Variants in DNAJC11 observed in about 807,000 individuals in gnomAD.
The protein encoded by DNAJC11 is dnaJ homolog subfamily C member 11.
In DNAJC11, 15 loss-of-function variants were observed where a neutral mutation model predicts 78.6. The observed-to-expected ratio is 0.19, with a 90% CI of 0.13 to 0.29. The LOEUF (loss-of-function observed/expected upper bound fraction) is 0.29, where lower values mean the gene tolerates loss of function less well. Among genes scored for constraint, DNAJC11 ranks in the 10% least tolerant of loss-of-function variants. The pLI, the probability that DNAJC11 is intolerant of heterozygous loss-of-function variation, is 1.00. For missense variants in DNAJC11, 547 were observed against 709.6 expected, an observed-to-expected ratio of 0.77 and a Z score of 2.60; for synonymous variants, 292 against 272.1, an observed-to-expected ratio of 1.07 and a Z score of -0.72.
At chr1:6,647,626 T>A (rs1641985659) in intron 7 of DNAJC11, among the ~76,000 whole-genome samples, 1 of 151,788 alleles carries the variant, frequency 6.6e-6, no homozygotes, top group African/African-American at 2.4e-5. Flanking sequence ...GAGACCATCC[T>A]GGCCAACATG....
At chr1:6,644,730 A>G (rs1641940781) in intron 9 of DNAJC11, 56 bp from the exon 10 acceptor site, 1 of 1,479,486 alleles carries the variant, frequency 6.8e-7, no homozygotes, top group Non-Finnish European at 9.4e-7. Flanking sequence ...CTTCAGGGGC[A>G]GCTGTCATTT....
intron 4 of DNAJC11, among the ~76,000 whole-genome samples, chr1:6,654,781 CTTTTTTTT>C (rs3062933): frequency 2.1e-5 from 3 of 141,816 alleles, no homozygotes; most frequent in Non-Finnish European, 4.6e-5. Context: ...GCTAGCTTTT[CTTTTTTTT>C]TTTTTTTTGA....
intron 4 of DNAJC11, among the ~76,000 whole-genome samples, chr1:6,656,539 T>C (rs1370922251): frequency 6.6e-6 from 1 of 152,054 alleles, no homozygotes; most frequent in Non-Finnish European, 1.5e-5. Flanking sequence ...GAGAGAATAT[T>C]TTCTAAATTA....
At chr1:6,673,261 C>T (rs1029721376) in intron 3 of DNAJC11, among the ~76,000 whole-genome samples, 3 of 150,198 alleles carry the variant, frequency 2.0e-5, no homozygotes, top group South Asian at 4.3e-4. Flanking sequence ...CAGACCAACC[C>T]GGGCAACATA....
intron 1 of DNAJC11, among the ~76,000 whole-genome samples, chr1:6,686,688 GGCAA>G (rs1396574040): frequency 6.6e-6 from 1 of 152,104 alleles, no homozygotes; most frequent in African/African-American, 2.4e-5. Context: ...CCATGTGCTG[GGCAA>G]GCAAAGAACC....
At chr1:6,688,071 G>A (rs1157652211) in intron 1 of DNAJC11, among the ~76,000 whole-genome samples, 1 of 152,048 alleles carries the variant, frequency 6.6e-6, no homozygotes, top group South Asian at 2.1e-4. Context: ...TGCAAAAGGT[G>A]ATAAAGTAAC....
rs1299889572 is a variant in DNAJC11 at position 6,634,746 on chromosome 1, G to A, written c.*929C>T. The A allele has an allele frequency of 7.4e-7, 1 of 1,350,370 alleles. No homozygotes were observed. Among genetic ancestry groups the A allele is most frequent in the Non-Finnish European group, 9.9e-7 (1 of 1,013,780 alleles). 83.6% of individuals were successfully genotyped at this position (1,350,370 alleles called of 1,614,324 possible). ...AGCACAGGCCCTGGTGTTCCTGTGA[G>A]GACGCTGGACCTGCAGGAGCGGGGA... On this transcript the variant is annotated 3_prime_UTR_variant, in exon 16 of 16. Transcript: ENST00000377577.
chr1:6,669,062 C>T (rs1377400243), intron 3 of DNAJC11, among the ~76,000 whole-genome samples: 3 of 151,810 alleles, frequency 2.0e-5, no homozygotes, highest in East Asian at 3.9e-4. Context: ...TGGCAGGTGC[C>T]TGTAATCCCA....
chr1:6,668,134 TTC>T (rs760851888), intron 3 of DNAJC11: 4 of 277,280 alleles, frequency 1.4e-5, no homozygotes, highest in Non-Finnish European at 2.7e-5. Context: ...CCTTATGAAT[TTC>T]TTTCTTTTTT....
intron 3 of DNAJC11, among the ~76,000 whole-genome samples, chr1:6,673,316 T>C (rs377610964): frequency 6.9e-6 from 1 of 144,780 alleles, no homozygotes; most frequent in African/African-American, 2.6e-5. Flanking sequence ...CCAAGAAGAC[T>C]GACTTTATTG....
At position 6,638,347 on chromosome 1, in the gene DNAJC11, C is replaced by T. The variant is rs771455111; in HGVS notation, c.1271G>A (p.Arg424Lys). ...AQKEKELEKQ[R>K]ESAATDVLQK... ...CAGCACATCGGTGGCGGCGCTTTCC[C>T]TCTGCTTCTCCAATTCCCTTACGCG... Residue 424 changes from arginine to lysine, a missense_variant, in exon 12 of 16, where the codon AGG becomes AAG. By Grantham distance (26) the Arg-to-Lys change is conservative. Transcript: ENST00000377577. 1 of 1,613,554 alleles carries T rather than the reference C, an allele frequency of 6.2e-7. No individual in the cohort carries two copies. The highest frequency in any genetic ancestry group is 1.1e-5 in the South Asian group (1 of 91,030).
In DNAJC11 at chr1:6,645,986, G is replaced by C; in HGVS notation, c.705-8C>G. Reference sequence around the variant, plus strand: ...CAGTTTGTTGTCACAAAGCTGGAGAGACACAGAGACAGAATAGGTCCTGGA... The same window carrying C: ...CAGTTTGTTGTCACAAAGCTGGAGACACACAGAGACAGAATAGGTCCTGGA... On this transcript the variant is annotated splice_region_variant and splice_polypyrimidine_tract_variant and intron_variant, in intron 7 of 15. Coordinates refer to ENST00000377577, the MANE Select transcript of DNAJC11 (RefSeq NM_018198.4). The surrounding 1 kb of genome is among the most constrained non-coding windows in gnomAD (Gnocchi z 4.1). 2 of 1,613,804 alleles carry C rather than the reference G, an allele frequency of 1.2e-6. No individual in the cohort carries two copies. The highest frequency in any genetic ancestry group is 1.7e-6 in the Non-Finnish European group (2 of 1,179,792).
chr1:6,658,225 G>T (rs924047473), intron 4 of DNAJC11, among the ~76,000 whole-genome samples: 2 of 152,230 alleles, frequency 1.3e-5, no homozygotes, highest in Non-Finnish European at 2.9e-5. Context: ...AGCGTCTAAT[G>T]AAACTGGGAG....
chr1:6,660,556 C>T lies in DNAJC11; in HGVS notation c.379-6517G>A, dbSNP rs567019081. Among the ~76,000 whole-genome samples, 18 of 152,254 alleles carry T rather than the reference C, an allele frequency of 1.2e-4. No individual in the cohort carries two copies. In the East Asian group the frequency reaches 2.1e-3, roughly 18 times the overall value. On this transcript the variant is annotated intron_variant, in intron 4 of 15. Transcript: ENST00000377577. Reference sequence around the variant, plus strand: ...ATTAGGTTGTCTGTTTTATTCTCTGCGGAATGTTCACATTCCTAAAGTGTC... The same window carrying T: ...ATTAGGTTGTCTGTTTTATTCTCTGTGGAATGTTCACATTCCTAAAGTGTC...
At chr1:6,667,967 T>A (rs1005111938) in intron 3 of DNAJC11, among the ~76,000 whole-genome samples, 157 bp from the exon 4 acceptor site, 95 of 152,324 alleles carry the variant, frequency 6.2e-4, no homozygotes, top group African/African-American at 9.6e-5. Flanking sequence ...AGTTCCACCA[T>A]CCGATGGCTC....
intron 1 of DNAJC11, among the ~76,000 whole-genome samples, chr1:6,685,880 G>C (rs778381023): frequency 5.3e-5 from 8 of 152,150 alleles, no homozygotes; most frequent in Non-Finnish European, 1.2e-4. Flanking sequence ...ATGTTTTCTA[G>C]AAATTTCTAA....
At chr1:6,662,157 G>C (rs1437858294) in intron 4 of DNAJC11, among the ~76,000 whole-genome samples, 1 of 135,970 alleles carries the variant, frequency 7.4e-6, no homozygotes, top group African/African-American at 2.8e-5. Flanking sequence ...TGTAGAGATA[G>C]GATTTCACCA....
Position 6,680,686 on chromosome 1 carries a change from A to G in DNAJC11, c.202+222T>C, listed in dbSNP as rs1642537913. On this transcript the variant is annotated intron_variant, in intron 2 of 15. Coordinates refer to ENST00000377577, the MANE Select transcript of DNAJC11 (RefSeq NM_018198.4). The surrounding 1 kb of genome is among the most constrained non-coding windows in gnomAD (Gnocchi z 4.0). ...TTCCCTTGCAATTGAGACTCTGTCT[A>G]TTACCTCGCCCGGTCTCTCATTTTC... Among the ~76,000 whole-genome samples, 1 of 152,216 alleles carries G rather than the reference A, an allele frequency of 6.6e-6. No individual in the cohort carries two copies. Among genetic ancestry groups the G allele is most frequent in the Non-Finnish European group, 1.5e-5 (1 of 68,046 alleles).
chr1:6,647,951 T>C (rs1471921875), intron 7 of DNAJC11, among the ~76,000 whole-genome samples: 1 of 152,164 alleles, frequency 6.6e-6, no homozygotes, highest in East Asian at 1.9e-4. Context: ...TAAATTCAAT[T>C]TCCAAACCTG....
Sources: allele counts gnomAD v4.1 joint callset (sites outside exome capture counted in the v4.1 genomes callset), GRCh38; gene constraint gnomAD v4.1.1; non-coding constraint Gnocchi (gnomAD v3.1); transcripts MANE v1.5; gene names NCBI Gene and HGNC (gene_info 2026-07-23, HGNC 2026-07-21).